The following SDK1 variants were observed in gnomAD, a reference collection of about 807,000 sequenced individuals.
The protein encoded by SDK1 is sidekick cell adhesion molecule 1.
A neutral mutation model predicts 245.5 loss-of-function variants in SDK1; 157 were observed. That is an observed-to-expected ratio of 0.64 (90% CI 0.56 to 0.73). The LOEUF (loss-of-function observed/expected upper bound fraction) is 0.73. SDK1 is among the 30% of genes least tolerant of loss of function. SDK1 has a pLI of 0.00. For missense variants in SDK1, 3,583 were observed against 3,002.3 expected (o/e 1.19, Z -4.52); for synonymous variants, 1,647 against 1,278.5 (o/e 1.29, Z -6.15).
At chr7:3,549,667 C>G (rs1036650036) in intron 1 of SDK1, among the ~76,000 whole-genome samples, 1 of 152,090 alleles carries the variant, frequency 6.6e-6, no homozygotes, top group South Asian at 2.1e-4. Context: ...AAGACTTAGG[C>G]TATTGTAAAT....
chr7:3,625,594 G>C (rs1466174631), intron 2 of SDK1, among the ~76,000 whole-genome samples: 1 of 152,200 alleles, frequency 6.6e-6, no homozygotes, highest in African/African-American at 2.4e-5. Flanking sequence ...GCTCAATCTT[G>C]TTTGCAACGT....
In SDK1 at chr7:4,237,748, C is replaced by T; in HGVS notation, c.6094C>T (p.His2032Tyr). Reference protein sequence around the residue: ...ILLVVFALVLHGQNKKYKNCS... With the variant: ...ILLVVFALVLYGQNKKYKNCS... ...GCTGGTGGTGTTCGCCCTCGTCCTG[C>T]ACGGGCAGAATAAGAAGTATAAGAA... The change falls in exon 42 of 45, where the codon CAC becomes TAC. Residue 2032 changes from histidine to tyrosine, a missense_variant. Coordinates refer to ENST00000404826, the MANE Select transcript of SDK1 (RefSeq NM_152744.4). 1 of 1,614,160 alleles carries T rather than the reference C, an allele frequency of 6.2e-7. No homozygotes were observed. The highest frequency in any genetic ancestry group is 8.5e-7 in the Non-Finnish European group (1 of 1,180,028).
chr7:3,358,441 T>C lies in SDK1; in HGVS notation c.298+56557T>C, dbSNP rs570849268. ...TAATCATTACAACGTTTTTTTTTTT[T>C]TTCTTGTTTTGTTTTTCTCTTTTCT... On this transcript the variant is annotated intron_variant, in intron 1 of 44. Coordinates refer to ENST00000404826, the MANE Select transcript of SDK1 (RefSeq NM_152744.4). Among the ~76,000 whole-genome samples the C allele has an allele frequency of 5.3e-5, 8 of 152,290 alleles. No individual in the cohort carries two copies. In the South Asian group the frequency reaches 1.7e-3, roughly 32 times the overall value.
chr7:4,065,084 T>C (rs1280609519), intron 19 of SDK1, among the ~76,000 whole-genome samples: 1 of 152,120 alleles, frequency 6.6e-6, no homozygotes, highest in African/African-American at 2.4e-5. Flanking sequence ...CACATAGAAA[T>C]GATAAATACT....
chr7:3,926,198 C>T (rs188781555), intron 5 of SDK1, among the ~76,000 whole-genome samples: 7 of 152,248 alleles, frequency 4.6e-5, no homozygotes, highest in Admixed American at 2.0e-4. Context: ...TGGTGCTGAG[C>T]CTCTAGATGG....
chr7:3,574,928 T>C (rs1290432131), intron 1 of SDK1, among the ~76,000 whole-genome samples: 1 of 152,072 alleles, frequency 6.6e-6, no homozygotes, highest in Non-Finnish European at 1.5e-5. Flanking sequence ...TGAGCTGTTG[T>C]GTGGGAGCCT....
chr7:3,696,219 G>C (rs1784568683), intron 4 of SDK1, among the ~76,000 whole-genome samples: 1 of 151,964 alleles, frequency 6.6e-6, no homozygotes, highest in Non-Finnish European at 1.5e-5. Context: ...ACTCCCCTAA[G>C]CTCCCACCAC....
At chr7:3,921,827 A>G (rs1421819211) in intron 5 of SDK1, among the ~76,000 whole-genome samples, 1 of 152,060 alleles carries the variant, frequency 6.6e-6, no homozygotes, top group Non-Finnish European at 1.5e-5. Context: ...TCAGGTGGAC[A>G]TGGTGGTGCG....
At chr7:3,417,677 G>C (rs913875727) in intron 1 of SDK1, among the ~76,000 whole-genome samples, 2 of 152,128 alleles carry the variant, frequency 1.3e-5, no homozygotes, top group East Asian at 1.9e-4. Context: ...TGCCTTTCTA[G>C]ATTTTCTAAC....
chr7:3,685,886 G>T (rs546830846), intron 4 of SDK1, among the ~76,000 whole-genome samples: 12 of 151,852 alleles, frequency 7.9e-5, no homozygotes, highest in African/African-American at 2.4e-4. Context: ...AAAATGGCAC[G>T]TTTAACATGC....
At chr7:3,748,024 AT>A (rs1779674137) in intron 4 of SDK1, among the ~76,000 whole-genome samples, 1 of 152,176 alleles carries the variant, frequency 6.6e-6, no homozygotes, top group East Asian at 1.9e-4. Flanking sequence ...TATATATTTG[AT>A]TATACTGTAT....
At chr7:3,558,464 T>C (rs1438202637) in intron 1 of SDK1, among the ~76,000 whole-genome samples, 4 of 152,218 alleles carry the variant, frequency 2.6e-5, no homozygotes, top group African/African-American at 4.8e-5. Context: ...TTTGAAAAGA[T>C]CATAGAGAAG....
chr7:3,416,464 T>C (rs1779368294), intron 1 of SDK1, among the ~76,000 whole-genome samples: 1 of 40,780 alleles, frequency 2.5e-5, no homozygotes, highest in South Asian at 6.4e-4. Flanking sequence ...GCTTTCGTTC[T>C]TTTTTTTTTT....
intron 5 of SDK1, among the ~76,000 whole-genome samples, chr7:3,889,682 G>T (rs990807238): frequency 3.9e-5 from 6 of 152,100 alleles, no homozygotes; most frequent in Non-Finnish European, 8.8e-5. Context: ...TAATTTTTTT[G>T]TATTTTTAGT....
intron 1 of SDK1, chr7:3,476,101 G>GT (rs1781341317): frequency 6.6e-6 from 1 of 152,448 alleles, no homozygotes; most frequent in African/African-American, 2.4e-5. Context: ...ATTTCTCTCT[G>GT]TTTTAGATTA....
chr7:4,216,360 G>A (rs948279329), intron 38 of SDK1, among the ~76,000 whole-genome samples: 1 of 152,174 alleles, frequency 6.6e-6, no homozygotes, highest in Non-Finnish European at 1.5e-5. Flanking sequence ...CACGGCCGCT[G>A]CTCCCACTCT....
At chr7:4,051,867 G>A (rs1583953127) in intron 19 of SDK1, 37 bp downstream of exon 19, 2 of 1,568,936 alleles carry the variant, frequency 1.3e-6, no homozygotes, top group Non-Finnish European at 1.7e-6. Context: ...TAAGTCACTT[G>A]TCAAAGAGGT....
At chr7:4,016,155 T>C (rs975186340) in intron 16 of SDK1, among the ~76,000 whole-genome samples, 8 of 152,238 alleles carry the variant, frequency 5.3e-5, no homozygotes, top group Non-Finnish European at 1.5e-5. Context: ...GTAATGGACA[T>C]GGAATCTGCA....
chr7:3,947,236 A>G (rs1023961839), intron 5 of SDK1, among the ~76,000 whole-genome samples: 32 of 152,180 alleles, frequency 2.1e-4, no homozygotes, highest in Admixed American at 1.6e-3. Context: ...TTGTGTAATG[A>G]GAAGCCACCC....
Sources: gnomAD v4.1 joint callset for allele counts (sites outside exome capture counted in the v4.1 genomes callset) on GRCh38, gnomAD v4.1.1 for gene constraint, MANE v1.5 for transcripts, NCBI Gene and HGNC (gene_info 2026-07-23, HGNC 2026-07-21) for gene names.